NSG2: variants seen among roughly 807,000 people sequenced by gnomAD.
The protein encoded by NSG2 is neuronal vesicle trafficking-associated protein 2.
NSG2 carries 4 observed loss-of-function variants against 16.9 expected under a neutral mutation model. The observed-to-expected ratio is 0.24, with a 90% confidence interval of 0.12 to 0.54. The LOEUF (loss-of-function observed/expected upper bound fraction) is 0.54, where lower values mean the gene tolerates loss of function less well. Among genes scored for constraint, NSG2 ranks in the 20% least tolerant of loss-of-function variants. The pLI is 0.95. For synonymous variants in NSG2, 98 were observed against 88.7 expected (o/e 1.11, Z -0.59); for missense variants, 179 against 221.1 (o/e 0.81, Z 1.21).
intron 3 of NSG2, among the ~76,000 whole-genome samples, chr5:174,078,439 T>C (rs1760385520): frequency 6.6e-6 from 1 of 152,234 alleles, no homozygotes. Context: ...AGATCCTTTT[T>C]CTTCCTGTTA....
At chr5:174,058,017 A>G (rs1347494394) in intron 2 of NSG2, among the ~76,000 whole-genome samples, 1 of 152,180 alleles carries the variant, frequency 6.6e-6, no homozygotes, top group Non-Finnish European at 1.5e-5. Flanking sequence ...TGGAGCTGGA[A>G]TGGGTGGAAT....
At chr5:174,061,777 T>A (rs1026616937) in intron 2 of NSG2, among the ~76,000 whole-genome samples, 3 of 151,970 alleles carry the variant, frequency 2.0e-5, no homozygotes, top group South Asian at 2.1e-4. Flanking sequence ...CTAATTTTTT[T>A]AATTTTTAGT....
At chr5:174,075,167 C>T (rs1265769298) in intron 3 of NSG2, among the ~76,000 whole-genome samples, 1 of 152,008 alleles carries the variant, frequency 6.6e-6, no homozygotes, top group Non-Finnish European at 1.5e-5. Flanking sequence ...AGTCATTTCC[C>T]ATTTTATCTT....
At chr5:174,080,101 C>A (rs1408670771) in intron 3 of NSG2, among the ~76,000 whole-genome samples, 1 of 152,086 alleles carries the variant, frequency 6.6e-6, no homozygotes, top group Non-Finnish European at 1.5e-5. Context: ...AAAGCTACTG[C>A]ATTTCCATAT....
At chr5:174,104,113 C>T (rs1435567190) in intron 3 of NSG2, 115 bp from the exon 4 acceptor site, 5 of 716,664 alleles carry the variant, frequency 7.0e-6, no homozygotes, top group South Asian at 6.8e-5. Context: ...TTCCTTGGGC[C>T]TGTCCCCCTT....
chr5:174,056,142 C>T (rs2113424279), intron 2 of NSG2: 1 of 152,338 alleles, frequency 6.6e-6, no homozygotes, highest in South Asian at 2.1e-4. Context: ...TCCCCAGGAT[C>T]AGAGTTCAAG....
In NSG2 at chr5:174,108,481, G is replaced by A. The variant is rs1047021607; in HGVS notation, c.*976G>A. 5.2e-5 allele frequency: 8 copies of A among 152,396 alleles called. No individual in the cohort carries two copies. The highest frequency in any genetic ancestry group is 1.9e-4 in the African/African-American group (8 of 41,432). 9.4% of individuals were successfully genotyped at this position (152,396 alleles called of 1,614,324 possible). ...CTGATAACAATAACAACAACAATAG[G>A]ATTCCAACCAGGAGCCTCAAGTGAC... On this transcript the variant is annotated 3_prime_UTR_variant, in exon 5 of 5. Transcript: ENST00000303177.
At chr5:174,091,592 C>T (rs935646254) in intron 3 of NSG2, among the ~76,000 whole-genome samples, 21 of 150,530 alleles carry the variant, frequency 1.4e-4, no homozygotes, top group Non-Finnish European at 2.5e-4. Flanking sequence ...AGTGGGAGGC[C>T]GTGGGAGGCA....
intron 3 of NSG2, among the ~76,000 whole-genome samples, chr5:174,095,093 C>T (rs536333692): frequency 2.1e-4 from 32 of 152,194 alleles, no homozygotes; most frequent in African/African-American, 7.2e-4. Context: ...AGGAGTTCAC[C>T]AAGGGGAGAG....
At chr5:174,082,628 CT>C (rs1760502534) in intron 3 of NSG2, 2 of 152,174 alleles carry the variant, frequency 1.3e-5, no homozygotes, top group South Asian at 4.1e-4. Context: ...GGTCTTTCAC[CT>C]GTGAGATGGA....
intron 3 of NSG2, among the ~76,000 whole-genome samples, chr5:174,070,612 C>T (rs1184444147): frequency 6.6e-6 from 1 of 152,230 alleles, no homozygotes; most frequent in Non-Finnish European, 1.5e-5. Context: ...AACAAAACCT[C>T]TGCCCTGAAG....
chr5:174,068,486 G>A (rs368762685), intron 3 of NSG2, among the ~76,000 whole-genome samples: 1 of 152,290 alleles, frequency 6.6e-6, no homozygotes, highest in East Asian at 1.9e-4. Context: ...GGATGGTGCT[G>A]GTGCTGTGGT....
At chr5:174,104,403 C>G in intron 4 of NSG2, 65 bp downstream of exon 4, 2 of 1,131,966 alleles carry the variant, frequency 1.8e-6, no homozygotes, top group Non-Finnish European at 2.7e-6. Flanking sequence ...TCAATGTCTT[C>G]TCTTCACTGG....
Position 174,055,374 on chromosome 5 carries a change from A to G in NSG2, c.129+8490A>G, listed in dbSNP as rs537573244. Reference sequence around the variant, plus strand: ...TTTGGGAAGCCGAGGTGGGCGGATCACGAGGTCAGGAGATCCAGACCATCC... The same window carrying G: ...TTTGGGAAGCCGAGGTGGGCGGATCGCGAGGTCAGGAGATCCAGACCATCC... On this transcript the variant is annotated intron_variant, in intron 2 of 4. Coordinates refer to ENST00000303177, the MANE Select transcript of NSG2 (RefSeq NM_015980.5). 1.5e-4 allele frequency among the ~76,000 whole-genome samples: 23 copies of G among 152,282 alleles called. No individual in the cohort carries two copies. The East Asian group carries it at 4.3e-3, about 28-fold the overall frequency.
chr5:174,107,630 G>T lies in NSG2; in HGVS notation c.*125G>T. 1 of 799,222 alleles carries T rather than the reference G, an allele frequency of 1.3e-6. No homozygotes were observed. Among genetic ancestry groups the T allele is most frequent in the Non-Finnish European group, 2.1e-6 (1 of 482,350 alleles). The allele number at this position is 799,222 out of a possible 1,614,324, so 49.5% of individuals were successfully genotyped here. ...GGGGGCGGGGGCGGGGCAGGGCAGGGTGGGGGGAAGAACGCACCAAAAACG... is the reference window on the plus strand; with the variant it reads ...GGGGGCGGGGGCGGGGCAGGGCAGGTTGGGGGGAAGAACGCACCAAAAACG... On this transcript the variant is annotated 3_prime_UTR_variant, in exon 5 of 5. Transcript: ENST00000303177. This position sits in a 1 kb window ranked among gnomAD's most constrained non-coding sequence, Gnocchi z 4.5.
At chr5:174,068,921 G>A (rs1760190711) in intron 3 of NSG2, among the ~76,000 whole-genome samples, 2 of 151,290 alleles carry the variant, frequency 1.3e-5, no homozygotes, top group South Asian at 4.2e-4. Flanking sequence ...TGCTGTGGAA[G>A]GTGCTGGTGT....
intron 3 of NSG2, among the ~76,000 whole-genome samples, chr5:174,070,010 T>A (rs1760208460): frequency 6.6e-6 from 1 of 151,754 alleles, no homozygotes; most frequent in Non-Finnish European, 1.5e-5. Context: ...CCCAAAGAGC[T>A]GGGACTACAG....
At chr5:174,100,055 G>A (rs192270940) in intron 3 of NSG2, among the ~76,000 whole-genome samples, 1 of 152,354 alleles carries the variant, frequency 6.6e-6, no homozygotes, top group Admixed American at 6.5e-5. Flanking sequence ...ATTCAGGACA[G>A]GGAGGCAAAC....
At chr5:174,070,141 C>A (rs1760213384) in intron 3 of NSG2, among the ~76,000 whole-genome samples, 2 of 152,006 alleles carry the variant, frequency 1.3e-5, no homozygotes, top group Non-Finnish European at 2.9e-5. Context: ...CCTGCCTCGG[C>A]CTCCCAAAGT....
Sources: allele counts gnomAD v4.1 joint callset (sites outside exome capture counted in the v4.1 genomes callset), GRCh38; gene constraint gnomAD v4.1.1; non-coding constraint Gnocchi (gnomAD v3.1); transcripts MANE v1.5; gene names NCBI Gene and HGNC (gene_info 2026-07-23, HGNC 2026-07-21).